The following ABHD18 variants were observed in gnomAD, a reference collection of about 807,000 sequenced individuals.
ABHD18 encodes abhydrolase domain containing 18.
Under a neutral mutation model 65.9 loss-of-function variants are expected in ABHD18, and 55 were observed. The ratio of observed to expected loss-of-function variants is 0.84; its 90% CI spans 0.67 to 1.05. ABHD18 has a LOEUF of 1.05. Among genes scored for constraint, ABHD18 ranks in the 50% least tolerant of loss-of-function variants. ABHD18 has a pLI of 0.00. For synonymous variants in ABHD18, 181 were observed against 180.2 expected (o/e 1.00, Z -0.04); for missense variants, 533 against 558.5 (o/e 0.95, Z 0.46).
chr4:127,977,898 A>G (rs112531550), intron 1 of ABHD18, among the ~76,000 whole-genome samples: 1 of 152,158 alleles, frequency 6.6e-6, no homozygotes, highest in African/African-American at 2.4e-5. Flanking sequence ...AAGATACTTA[A>G]AGGATAGCAT....
At chr4:127,986,818 G>C (rs1018486813) in intron 3 of ABHD18, among the ~76,000 whole-genome samples, 1 of 152,168 alleles carries the variant, frequency 6.6e-6, no homozygotes, top group African/African-American at 2.4e-5. Context: ...TTTCAAGTGT[G>C]AATTGGCCAT....
intron 4 of ABHD18, among the ~76,000 whole-genome samples, chr4:128,003,968 A>C (rs986585757): frequency 1.3e-5 from 2 of 150,906 alleles, no homozygotes; most frequent in Non-Finnish European, 2.9e-5. Context: ...AAAAACAAAA[A>C]AAAACCAAAC....
chr4:127,986,225 A>G (rs1749931301), intron 3 of ABHD18, among the ~76,000 whole-genome samples: 1 of 152,176 alleles, frequency 6.6e-6, no homozygotes, highest in South Asian at 2.1e-4. Flanking sequence ...CTCTGTCTCT[A>G]TGGATTCACC....
chr4:127,967,109 G>C (rs1279607237), intron 1 of ABHD18, among the ~76,000 whole-genome samples: 2 of 151,548 alleles, frequency 1.3e-5, no homozygotes, highest in African/African-American at 4.9e-5. Context: ...TTAATTCCTG[G>C]GGGCTAGCAA....
Position 127,984,391 on chromosome 4 carries a change from G to C in ABHD18, c.145G>C (p.Val49Leu), listed in dbSNP as rs761613127. Residue 49 changes from valine (V) to leucine (L), a missense_variant, in exon 3 of 13, where the codon GTT (valine) becomes CTT (leucine). Around this residue, in one of 3 missense-constraint regions of ABHD18, gnomAD observed 309 missense variants for 313.5 expected, o/e 0.99. Transcript: ENST00000645843. Reference protein sequence around the residue: ...IGNRERCQNLVSSDYPVHIDK... With the variant: ...IGNRERCQNLLSSDYPVHIDK... ...AAATCGGGAAAGATGCCAGAATCTG[G>C]TTTCAAGCGATTATCCAGTACACAT... The C allele has an allele frequency of 3.2e-6, 5 of 1,550,364 alleles. No individual in the cohort carries two copies. Among genetic ancestry groups the C allele is most frequent in the Non-Finnish European group, 4.4e-6 (5 of 1,145,488 alleles).
At chr4:127,991,628 A>G (rs560847248) in intron 4 of ABHD18, among the ~76,000 whole-genome samples, 35 of 152,248 alleles carry the variant, frequency 2.3e-4, no homozygotes, top group Non-Finnish European at 4.8e-4. Flanking sequence ...TAAAAAGAAC[A>G]AACTACTGTA....
chr4:128,010,246 T>C (rs896073439), intron 6 of ABHD18, among the ~76,000 whole-genome samples: 9 of 152,348 alleles, frequency 5.9e-5, no homozygotes, highest in Admixed American at 5.2e-4. Flanking sequence ...ATGTAGGATA[T>C]AGGCCAGGTG....
chr4:128,029,099 C>A lies in ABHD18; in HGVS notation c.1180+246C>A, dbSNP rs193238161. Among the ~76,000 whole-genome samples, 651 of 152,088 alleles carry A rather than the reference C, an allele frequency of 4.3e-3. 8 individuals carry two copies. The highest frequency in any genetic ancestry group is 0.015 in the African/African-American group (623 of 41,480). ...GGGTGTGGTTGCTCATGCCTGTAAT[C>A]CCAGCATTTTGGGAGGCTGAGGCAG... On this transcript the variant is annotated intron_variant, in intron 11 of 12. Transcript: ENST00000645843.
intron 12 of ABHD18, 57 bp downstream of exon 12, chr4:128,030,729 T>G (rs1241509636): frequency 7.9e-6 from 12 of 1,513,092 alleles, no homozygotes; most frequent in Non-Finnish European, 1.1e-5. Context: ...TTCTGGATTT[T>G]TTGCTTCAAC....
At chr4:127,980,953 AT>A (rs959120287) in intron 1 of ABHD18, among the ~76,000 whole-genome samples, 8 of 151,234 alleles carry the variant, frequency 5.3e-5, no homozygotes, top group Non-Finnish European at 8.8e-5. Flanking sequence ...ACAGTATTTA[AT>A]TTTTTTTTCT....
chr4:127,983,063 T>C lies in ABHD18; in HGVS notation c.92+16T>C, dbSNP rs1396157037. The stretch of plus-strand genomic sequence containing the variant: ...ATCTCAAAAGGCAAGCAATTTTTTT[T>C]CCTGAATACTTGTTCTGAATTTGTT... On this transcript the variant is annotated intron_variant, in intron 2 of 12. Transcript: ENST00000645843. 3 of 1,504,676 alleles carry C rather than the reference T, an allele frequency of 2.0e-6. No individual in the cohort carries two copies. Among genetic ancestry groups the C allele is most frequent in the Non-Finnish European group, 2.7e-6 (3 of 1,107,846 alleles). The allele number at this position is 1,504,676 out of a possible 1,614,324, so 93.2% of individuals were successfully genotyped here. A position where few individuals can be genotyped will look rare whatever the true frequency, so the allele number is the denominator to read the frequency against.
chr4:128,007,648 G>A (rs1044397916), intron 4 of ABHD18, among the ~76,000 whole-genome samples: 1 of 151,648 alleles, frequency 6.6e-6, no homozygotes, highest in African/African-American at 2.4e-5. Context: ...GGCTGAAGTG[G>A]GAGGATCACT....
chr4:127,985,041 A>G (rs1749719602), intron 3 of ABHD18, among the ~76,000 whole-genome samples: 1 of 152,220 alleles, frequency 6.6e-6, no homozygotes, highest in Non-Finnish European at 1.5e-5. Flanking sequence ...AAACCACTCA[A>G]CATTACAGAA....
intron 4 of ABHD18, among the ~76,000 whole-genome samples, chr4:127,994,863 A>T (rs774146765): frequency 2.1e-4 from 32 of 152,184 alleles, no homozygotes; most frequent in Admixed American, 1.4e-3. Context: ...TAAAGCACTC[A>T]TTTTATGTAT....
At chr4:128,030,723 G>A (rs761388165) in intron 12 of ABHD18, 51 bp downstream of exon 12, 2 of 1,496,670 alleles carry the variant, frequency 1.3e-6, no homozygotes, top group Admixed American at 2.7e-5. Flanking sequence ...TTTGTTTTCT[G>A]GATTTTTTGC....
chr4:128,028,801 A>C lies in ABHD18; in HGVS notation c.1128A>C (p.Leu376Phe). The C allele has an allele frequency of 6.2e-7, 1 of 1,602,108 alleles. No individual in the cohort carries two copies. Among genetic ancestry groups the C allele is most frequent in the Non-Finnish European group, 8.5e-7 (1 of 1,176,450 alleles). Residue 376 changes from leucine to phenylalanine, a missense_variant, in exon 11 of 13, where the codon TTA becomes TTC. Coordinates refer to ENST00000645843, the MANE Select transcript of ABHD18 (RefSeq NM_001358451.3). ...QSRNSLRKES[L>F]IFMKGVMDEC... ...GAAACAGTCTTCGGAAAGAGTCTTT[A>C]ATATTTATGAAAGGAGTCATGGATG...
chr4:127,986,076 T>C (rs1464883813), intron 3 of ABHD18, among the ~76,000 whole-genome samples: 1 of 152,156 alleles, frequency 6.6e-6, no homozygotes, highest in Non-Finnish European at 1.5e-5. Flanking sequence ...GGTTTTTAAA[T>C]TATATTACCA....
rs538067220 is a variant in ABHD18 at position 128,004,161 on chromosome 4, A to G, written c.279-4759A>G. Among the ~76,000 whole-genome samples the G allele has an allele frequency of 5.2e-4, 79 of 152,012 alleles. No individual in the cohort carries two copies. In the South Asian group the frequency reaches 0.016, roughly 31 times the overall value. On this transcript the variant is annotated intron_variant, in intron 4 of 12. Transcript: ENST00000645843. ...GCCTCTTTTTGTTTTTTTAGAAAAT[A>G]TGAGGCTCAGCCGGGCACAGTGGCT...
chr4:128,011,391 G>A (rs773913489), intron 6 of ABHD18, among the ~76,000 whole-genome samples: 4 of 151,384 alleles, frequency 2.6e-5, no homozygotes, highest in South Asian at 2.1e-4. Flanking sequence ...CTCGTGATCC[G>A]CCCGCCTTGG....
Sources: gnomAD v4.1 joint callset for allele counts (sites outside exome capture counted in the v4.1 genomes callset) on GRCh38, gnomAD v4.1.1 for gene constraint, gnomAD v4.1.1 regional missense constraint, MANE v1.5 for transcripts, NCBI Gene and HGNC (gene_info 2026-07-23, HGNC 2026-07-21) for gene names.